The following BMP5 variants were observed in gnomAD, a reference collection of about 807,000 sequenced individuals.
The protein encoded by BMP5 is bone morphogenetic protein 5.
Under a neutral mutation model 46.6 loss-of-function variants are expected in BMP5, and 23 were observed. That is an observed-to-expected ratio of 0.49 (90% CI 0.35 to 0.70). The LOEUF (loss-of-function observed/expected upper bound fraction) is 0.70, where lower values mean the gene tolerates loss of function less well. Ranked by LOEUF, BMP5 falls within the 30% of genes least tolerant of loss-of-function variation. The pLI is 0.00. For missense variants in BMP5, 545 were observed against 565.6 expected, an observed-to-expected ratio of 0.96 and a Z score of 0.37; for synonymous variants, 204 against 191.9, an observed-to-expected ratio of 1.06 and a Z score of -0.52.
intron 3 of BMP5, among the ~76,000 whole-genome samples, chr6:55,778,109 T>C (rs756420143): frequency 6.6e-6 from 1 of 152,030 alleles, no homozygotes. Flanking sequence ...TCAATAACTA[T>C]ACCAAAGCAA....
chr6:55,863,933 T>C (rs533499640), intron 1 of BMP5, among the ~76,000 whole-genome samples: 4 of 152,198 alleles, frequency 2.6e-5, no homozygotes, highest in Admixed American at 2.6e-4. Context: ...TTTGTGTAAG[T>C]ACACTCTATA....
chr6:55,761,823 A>C (rs973518646), intron 4 of BMP5, among the ~76,000 whole-genome samples: 2 of 151,778 alleles, frequency 1.3e-5, no homozygotes, highest in Admixed American at 1.3e-4. Context: ...GTTTCCTCCC[A>C]CTAAAATATA....
intron 3 of BMP5, among the ~76,000 whole-genome samples, chr6:55,780,456 T>A (rs374561035): frequency 9.5e-4 from 59 of 61,986 alleles, no homozygotes; most frequent in South Asian, 1.3e-3. Context: ...CCATCACTAC[T>A]AAAAAAAAAA....
intron 3 of BMP5, among the ~76,000 whole-genome samples, chr6:55,775,888 C>G (rs979417150): frequency 6.7e-6 from 1 of 149,732 alleles, no homozygotes; most frequent in African/African-American, 2.5e-5. Context: ...GGGACGGACA[C>G]AGGGGTTCTT....
chr6:55,825,993 GA>G (rs1463538193), intron 1 of BMP5, among the ~76,000 whole-genome samples: 3 of 151,210 alleles, frequency 2.0e-5, no homozygotes, highest in East Asian at 1.9e-4. Context: ...TTGTAAAAGT[GA>G]AAAAAAAGCA....
At chr6:55,764,617 A>C (rs1459897159) in intron 4 of BMP5, among the ~76,000 whole-genome samples, 1 of 151,752 alleles carries the variant, frequency 6.6e-6, no homozygotes, top group Non-Finnish European at 1.5e-5. Context: ...AAGAAAAAAA[A>C]GTCAATTAGA....
At chr6:55,783,799 G>A (rs1775382439) in intron 3 of BMP5, among the ~76,000 whole-genome samples, 1 of 151,826 alleles carries the variant, frequency 6.6e-6, no homozygotes, top group Admixed American at 6.6e-5. Context: ...GCATTTGTTT[G>A]GTAAGACTGG....
Position 55,754,793 on chromosome 6 carries a change from G to T in BMP5, c.*740C>A, listed in dbSNP as rs1239178973. On this transcript the variant is annotated 3_prime_UTR_variant, in exon 7 of 7. Coordinates refer to ENST00000370830, the MANE Select transcript of BMP5 (RefSeq NM_021073.4). ...GACATGATTTATTTGAGGTAAGAAGGTTGTACTACAATTAGTGTTAACTTG... is the reference window on the plus strand; with the variant it reads ...GACATGATTTATTTGAGGTAAGAAGTTTGTACTACAATTAGTGTTAACTTG... 3 of 151,992 alleles carry T rather than the reference G, an allele frequency of 2.0e-5. No individual in the cohort carries two copies. The highest frequency in any genetic ancestry group is 4.8e-5 in the African/African-American group (2 of 41,434). 9.4% of individuals were successfully genotyped at this position (151,992 alleles called of 1,614,324 possible). A position where few individuals can be genotyped will look rare whatever the true frequency, so the allele number is the denominator to read the frequency against.
intron 1 of BMP5, 152 bp downstream of exon 1, chr6:55,874,224 G>T: frequency 1.2e-6 from 1 of 828,726 alleles, no homozygotes; most frequent in Non-Finnish European, 1.9e-6. Context: ...TTTGCCTAAG[G>T]CATCAATGAA....
intron 2 of BMP5, 145 bp from the exon 3 acceptor site, chr6:55,794,572 G>A: frequency 1.3e-6 from 1 of 774,606 alleles, no homozygotes; most frequent in Non-Finnish European, 2.1e-6. Flanking sequence ...CTCAAGTGAT[G>A]AGTAATAAGA....
chr6:55,776,023 G>A (rs1036234407), intron 3 of BMP5, among the ~76,000 whole-genome samples: 7 of 151,802 alleles, frequency 4.6e-5, no homozygotes, highest in Non-Finnish European at 1.0e-4. Flanking sequence ...GTATTAAAAT[G>A]GCCATCTGCC....
chr6:55,854,289 T>A (rs983971146), intron 1 of BMP5, among the ~76,000 whole-genome samples: 3 of 152,096 alleles, frequency 2.0e-5, no homozygotes, highest in Admixed American at 6.5e-5. Flanking sequence ...TATATAAAGA[T>A]CATTTTGATA....
chr6:55,802,807 T>A (rs576702573), intron 2 of BMP5, among the ~76,000 whole-genome samples: 87 of 151,584 alleles, frequency 5.7e-4, no homozygotes, highest in African/African-American at 2.1e-3. Context: ...AATAATTCTT[T>A]TTTTCCCCTT....
intron 1 of BMP5, among the ~76,000 whole-genome samples, chr6:55,865,732 G>C (rs1777626526): frequency 6.6e-6 from 1 of 152,160 alleles, no homozygotes; most frequent in South Asian, 2.1e-4. Flanking sequence ...AGTAGAAATA[G>C]TTGTAATAGC....
intron 2 of BMP5, among the ~76,000 whole-genome samples, chr6:55,809,044 A>C (rs965129633): frequency 6.6e-6 from 1 of 152,154 alleles, no homozygotes; most frequent in African/African-American, 2.4e-5. Context: ...GCTTTACTTA[A>C]TATTAGAAAA....
intron 1 of BMP5, among the ~76,000 whole-genome samples, chr6:55,858,004 C>T (rs1468709023): frequency 1.3e-5 from 2 of 152,186 alleles, no homozygotes; most frequent in Admixed American, 1.3e-4. Context: ...TCCCAAAGTG[C>T]TGGGATGACA....
intron 1 of BMP5, among the ~76,000 whole-genome samples, chr6:55,839,801 C>A (rs961813221): frequency 5.9e-5 from 9 of 152,084 alleles, no homozygotes; most frequent in East Asian, 5.8e-4. Flanking sequence ...TATTAAATAC[C>A]TTTTCAGACT....
chr6:55,765,545 A>G (rs1774898670), intron 4 of BMP5, among the ~76,000 whole-genome samples: 1 of 152,174 alleles, frequency 6.6e-6, no homozygotes, highest in Non-Finnish European at 1.5e-5. Context: ...GAATGGTGCT[A>G]CCATAATGTG....
intron 1 of BMP5, among the ~76,000 whole-genome samples, chr6:55,842,775 C>A (rs762150332): frequency 1.7e-4 from 25 of 151,236 alleles, no homozygotes; most frequent in Non-Finnish European, 3.2e-4. Flanking sequence ...TTTTTTTTTA[C>A]AATTTCATTG....
Sources: allele counts gnomAD v4.1 joint callset (sites outside exome capture counted in the v4.1 genomes callset), GRCh38; gene constraint gnomAD v4.1.1; transcripts MANE v1.5; gene names NCBI Gene and HGNC (gene_info 2026-07-23, HGNC 2026-07-21).